SULF1: variants seen among roughly 807,000 people sequenced by gnomAD.
SULF1 encodes sulfatase 1, also known as extracellular sulfatase Sulf-1.
Under a neutral mutation model 110.5 loss-of-function variants are expected in SULF1, and 46 were observed. That is an observed-to-expected ratio of 0.42 (90% CI 0.33 to 0.53). The LOEUF is 0.53. Among genes scored for constraint, SULF1 ranks in the 20% least tolerant of loss-of-function variants. SULF1 has a pLI of 0.12. For missense variants in SULF1, 941 were observed against 1,094.2 expected, an observed-to-expected ratio of 0.86 and a Z score of 1.98; for synonymous variants, 371 against 387.1, an observed-to-expected ratio of 0.96 and a Z score of 0.49.
chr8:69,480,899 A>C (rs919872420), intron 1 of SULF1, among the ~76,000 whole-genome samples: 2 of 76,390 alleles, frequency 2.6e-5, no homozygotes, highest in Non-Finnish European at 5.1e-5. Flanking sequence ...GGGATGGGGG[A>C]GGGGGGAGGG....
At chr8:69,508,007 C>CT (rs1350779279) in intron 3 of SULF1, among the ~76,000 whole-genome samples, 1 of 152,040 alleles carries the variant, frequency 6.6e-6, no homozygotes, top group African/African-American at 2.4e-5. Context: ...TGAAGGAGTC[C>CT]TTTTTTGGCA....
chr8:69,578,059 A>C (rs563821768), intron 6 of SULF1, among the ~76,000 whole-genome samples: 1 of 152,082 alleles, frequency 6.6e-6, no homozygotes, highest in Non-Finnish European at 1.5e-5. Context: ...GAAAGGTGGA[A>C]TATTTAGAAC....
At chr8:69,545,002 G>A (rs1221116480) in intron 3 of SULF1, among the ~76,000 whole-genome samples, 3 of 150,172 alleles carry the variant, frequency 2.0e-5, no homozygotes, top group Admixed American at 2.0e-4. Flanking sequence ...CATTGTTGTT[G>A]TTTTTTAAAG....
chr8:69,532,202 C>G (rs1813133110), intron 3 of SULF1, among the ~76,000 whole-genome samples: 1 of 152,150 alleles, frequency 6.6e-6, no homozygotes, highest in Non-Finnish European at 1.5e-5. Flanking sequence ...CTCATAAATC[C>G]TCGAACTTTA....
intron 1 of SULF1, among the ~76,000 whole-genome samples, chr8:69,472,648 G>A (rs1809131672): frequency 6.6e-6 from 1 of 152,274 alleles, no homozygotes; most frequent in African/African-American, 2.4e-5. Flanking sequence ...CTGGGATGAT[G>A]GGTAAGGCAG....
intron 22 of SULF1, among the ~76,000 whole-genome samples, chr8:69,653,004 T>C (rs1291381085): frequency 6.6e-6 from 1 of 152,204 alleles, no homozygotes; most frequent in Non-Finnish European, 1.5e-5. Flanking sequence ...GCAAACTATT[T>C]TCCTGAGCAA....
chr8:69,630,239 G>A (rs1810413683), intron 19 of SULF1, among the ~76,000 whole-genome samples: 1 of 152,168 alleles, frequency 6.6e-6, no homozygotes, highest in Non-Finnish European at 1.5e-5. Flanking sequence ...TAACATTTGT[G>A]CACTTTTAAA....
rs1189389507 is a variant in SULF1, at chr8:69,512,724, C to G, written c.-134+10756C>G. ...TGTTCTTTCCTCCTTCACCTCCCCCCTCTTAACTTGGCCCTAACATATCTC... is the reference window on the plus strand; with the variant it reads ...TGTTCTTTCCTCCTTCACCTCCCCCGTCTTAACTTGGCCCTAACATATCTC... On this transcript the variant is annotated intron_variant, in intron 3 of 22. Transcript: ENST00000402687. 2.6e-5 allele frequency among the ~76,000 whole-genome samples: 4 copies of G among 151,918 alleles called. No individual in the cohort carries two copies. The East Asian group carries it at 7.7e-4, about 29-fold the overall frequency.
intron 19 of SULF1, among the ~76,000 whole-genome samples, chr8:69,637,186 G>A (rs895924347): frequency 6.6e-6 from 1 of 152,164 alleles, no homozygotes; most frequent in South Asian, 2.1e-4. Flanking sequence ...AAGGGTCGAC[G>A]TTGAGTTCTT....
At chr8:69,529,175 A>C (rs551163228) in intron 3 of SULF1, among the ~76,000 whole-genome samples, 4 of 152,280 alleles carry the variant, frequency 2.6e-5, no homozygotes, top group Non-Finnish European at 5.9e-5. Flanking sequence ...CTCCCGTCAG[A>C]CCCCAAAGCC....
At chr8:69,648,100 T>TTTGGATTTGG (rs1812065238) in intron 22 of SULF1, among the ~76,000 whole-genome samples, 1 of 146,200 alleles carries the variant, frequency 6.8e-6, no homozygotes, top group Non-Finnish European at 1.5e-5. Flanking sequence ...CCAAGATGAA[T>TTTGGATTTGG]ACCAGTTTGG....
intron 19 of SULF1, among the ~76,000 whole-genome samples, chr8:69,636,845 C>T (rs564477763): frequency 1.4e-4 from 21 of 152,202 alleles, no homozygotes; most frequent in Non-Finnish European, 2.8e-4. Context: ...CATTGATTTG[C>T]CGAACATACT....
At chr8:69,488,502 T>C (rs1670316715), upstream of SULF1, among the ~76,000 whole-genome samples, 1 of 151,620 alleles carries the variant, frequency 6.6e-6, no homozygotes. Context: ...CAGTTCCAGC[T>C]CACATCGTTT....
In SULF1 at chr8:69,470,165, T is replaced by G. The variant is rs905301518; in HGVS notation, c.-391+3215T>G. ...GAGTCAGCTCAGGACATCCGGTTTT[T>G]TTTCCCCTGTGCAATATTTTTGTGT... is the stretch of plus-strand genomic sequence containing the variant. On this transcript the variant is annotated intron_variant, in intron 1 of 22. Transcript: ENST00000260128. Among the ~76,000 whole-genome samples, 3 of 152,290 alleles carry G rather than the reference T, an allele frequency of 2.0e-5. No individual in the cohort carries two copies. In the South Asian group the frequency reaches 6.2e-4, roughly 32 times the overall value.
At chr8:69,539,140 G>A (rs1458870205) in intron 3 of SULF1, among the ~76,000 whole-genome samples, 1 of 152,120 alleles carries the variant, frequency 6.6e-6, no homozygotes, top group African/African-American at 2.4e-5. Context: ...TTTGTCATTC[G>A]ACCTGCTGAT....
chr8:69,522,645 C>T (rs1812386999), intron 3 of SULF1, among the ~76,000 whole-genome samples: 1 of 152,158 alleles, frequency 6.6e-6, no homozygotes, highest in African/African-American at 2.4e-5. Context: ...AATACTCCAG[C>T]ATTCAAAAGT....
At chr8:69,533,084 G>A (rs1015489500) in intron 3 of SULF1, among the ~76,000 whole-genome samples, 12 of 152,166 alleles carry the variant, frequency 7.9e-5, no homozygotes, top group African/African-American at 2.9e-4. Flanking sequence ...TTTTCTGTAT[G>A]CTCACTTTTG....
At chr8:69,551,739 G>A (rs1213317419) in intron 3 of SULF1, among the ~76,000 whole-genome samples, 2 of 152,186 alleles carry the variant, frequency 1.3e-5, no homozygotes, top group African/African-American at 4.8e-5. Context: ...CTAGTGGGTT[G>A]ATCGCTGTAC....
At chr8:69,549,931 T>G (rs1814572284) in intron 3 of SULF1, among the ~76,000 whole-genome samples, 1 of 152,040 alleles carries the variant, frequency 6.6e-6, no homozygotes, top group Non-Finnish European at 1.5e-5. Flanking sequence ...TTTACTGAGT[T>G]CTGAGGGTTC....
Sources: gnomAD v4.1 joint callset for allele counts (sites outside exome capture counted in the v4.1 genomes callset) on GRCh38, gnomAD v4.1.1 for gene constraint, MANE v1.5 for transcripts, NCBI Gene and HGNC (gene_info 2026-07-23, HGNC 2026-07-21) for gene names.